Variants in AMZ1 observed in about 807,000 individuals in gnomAD.
The protein encoded by AMZ1 is archaemetzincin-1.
In AMZ1, 39 loss-of-function variants were observed where a neutral mutation model predicts 29.9. The ratio of observed to expected loss-of-function variants is 1.30; its 90% CI spans 1.01 to 1.70. The LOEUF (loss-of-function observed/expected upper bound fraction) is 1.70. AMZ1 is among the 40% of genes most tolerant of loss of function. The pLI is 0.00. For missense variants in AMZ1, 1,041 were observed against 680.6 expected (o/e 1.53, Z -5.89); for synonymous variants, 458 against 304.0 (o/e 1.51, Z -5.27).
At chr7:2,719,740 G>C (rs1278129104), downstream of AMZ1, among the ~76,000 whole-genome samples, 2 of 151,206 alleles carry the variant, frequency 1.3e-5, no homozygotes, top group African/African-American at 2.4e-5. Context: ...GAGTGCAATG[G>C]TGTGATCTTG....
chr7:2,690,168 C>G (rs1787300146), intron 1 of AMZ1, among the ~76,000 whole-genome samples: 1 of 152,148 alleles, frequency 6.6e-6, no homozygotes, highest in African/African-American at 2.4e-5. Flanking sequence ...ACACCATTCT[C>G]CAGTCTGCAC....
intron 4 of AMZ1, among the ~76,000 whole-genome samples, chr7:2,725,185 T>C (rs1306539987): frequency 6.6e-6 from 1 of 152,202 alleles, no homozygotes; most frequent in Non-Finnish European, 1.5e-5. Context: ...TTCAGTGGGA[T>C]GTGGATTAGC....
At chr7:2,737,375 G>A (rs1293283998) in intron 4 of AMZ1, among the ~76,000 whole-genome samples, 4 of 138,292 alleles carry the variant, frequency 2.9e-5, no homozygotes, top group African/African-American at 1.1e-4. Flanking sequence ...TGCAACCTCT[G>A]CCTCCTGGGT....
At chr7:2,696,513 TC>T (rs1337692672) in intron 1 of AMZ1, among the ~76,000 whole-genome samples, 1 of 150,646 alleles carries the variant, frequency 6.6e-6, no homozygotes, top group Non-Finnish European at 1.5e-5. Flanking sequence ...CGCCTGGGCC[TC>T]CCAAAGTGCT....
chr7:2,705,626 C>T (rs989310734), intron 3 of AMZ1, among the ~76,000 whole-genome samples: 1 of 152,190 alleles, frequency 6.6e-6, no homozygotes, highest in African/African-American at 2.4e-5. Context: ...TGTCTAAATT[C>T]CCTAGGGTAC....
upstream of AMZ1, chr7:2,762,857 G>C (rs1791630865): frequency 6.8e-7 from 1 of 1,470,588 alleles, no homozygotes; most frequent in Admixed American, 2.4e-5. Context: ...AAGCAGGAGA[G>C]GGCCAGCTCC....
At position 2,709,164 on chromosome 7, in the gene AMZ1, G is replaced by C; in HGVS notation, c.691G>C (p.Ala231Pro). ...TGATCTGGCCCTGGTAGAGGCAGCA[G>C]CAGACGGCCCCGAGGCCCCCCTGCA... ...APDLALVEAAADGPEAPLQDR... is the reference protein window; with the variant it reads ...APDLALVEAAPDGPEAPLQDR... Residue 231 changes from alanine (A) to proline (P), a missense_variant, in exon 5 of 7, where the codon GCA becomes CCA. Physicochemically the swap from Ala to Pro is conservative, Grantham distance 27. Transcript: ENST00000683327. 2 of 1,565,562 alleles carry C rather than the reference G, an allele frequency of 1.3e-6. No individual in the cohort carries two copies. Among genetic ancestry groups the C allele is most frequent in the Non-Finnish European group, 1.7e-6 (2 of 1,157,170 alleles).
chr7:2,748,707 A>G (rs1296600126), intron 4 of AMZ1, among the ~76,000 whole-genome samples: 2 of 152,254 alleles, frequency 1.3e-5, no homozygotes, highest in Non-Finnish European at 2.9e-5. Context: ...AGAAACTACC[A>G]TCAGCATGAA....
intron 6 of AMZ1, 118 bp downstream of exon 6, chr7:2,709,934 T>A: frequency 7.3e-7 from 1 of 1,373,190 alleles, no homozygotes; most frequent in Non-Finnish European, 1.0e-6. Context: ...AACTGCCGGG[T>A]TCCAGGCAGT....
At chr7:2,748,814 GA>G (rs1397199931) in intron 4 of AMZ1, among the ~76,000 whole-genome samples, 1 of 151,752 alleles carries the variant, frequency 6.6e-6, no homozygotes, top group Non-Finnish European at 1.5e-5. Flanking sequence ...AAATTTACAA[GA>G]AAAAAACAAA....
At chr7:2,725,748 G>T (rs1227809272) in intron 4 of AMZ1, among the ~76,000 whole-genome samples, 1 of 152,258 alleles carries the variant, frequency 6.6e-6, no homozygotes, top group Non-Finnish European at 1.5e-5. Context: ...TCAAAAGGCG[G>T]CTTCAGCTCC....
chr7:2,687,532 G>A (rs73675191), upstream of AMZ1, among the ~76,000 whole-genome samples: 36 of 152,336 alleles, frequency 2.4e-4, no homozygotes, highest in African/African-American at 8.4e-4. Context: ...TCTGTCTGGA[G>A]CCGTCATGCC....
chr7:2,693,043 G>A (rs1787496364), intron 1 of AMZ1, among the ~76,000 whole-genome samples: 1 of 152,188 alleles, frequency 6.6e-6, no homozygotes, highest in African/African-American at 2.4e-5. Flanking sequence ...ACCCTCTCAG[G>A]AATGGGAGTG....
At chr7:2,682,639 G>A (rs532425374) in intron 1 of AMZ1, among the ~76,000 whole-genome samples, 3 of 152,230 alleles carry the variant, frequency 2.0e-5, no homozygotes, top group South Asian at 2.1e-4. Context: ...GTCACCTACT[G>A]CACCCAGGAG....
Position 2,716,879 on chromosome 7 carries a change from T to G in AMZ1, c.*4001T>G, listed in dbSNP as rs1462462620. ...ATGGCTGTGGCTGTCGAGATGGGACTGGGAAGGGCTGGAGCCTCAGAAACG... is the reference window on the plus strand; with the variant it reads ...ATGGCTGTGGCTGTCGAGATGGGACGGGGAAGGGCTGGAGCCTCAGAAACG... On this transcript the variant is annotated 3_prime_UTR_variant, in exon 7 of 7. Transcript: ENST00000683327. Among the ~76,000 whole-genome samples, 3 of 152,124 alleles carry G rather than the reference T, an allele frequency of 2.0e-5. No individual in the cohort carries two copies. Among genetic ancestry groups the G allele is most frequent in the Non-Finnish European group, 4.4e-5 (3 of 68,042 alleles).
At chr7:2,706,550 T>A (rs1788365685) in intron 3 of AMZ1, among the ~76,000 whole-genome samples, 1 of 152,232 alleles carries the variant, frequency 6.6e-6, no homozygotes, top group Non-Finnish European at 1.5e-5. Context: ...GGGTGCTTCC[T>A]GGCTGCCTCC....
chr7:2,745,340 C>T lies in AMZ1; in HGVS notation n.551-19372C>T, dbSNP rs182839791. On this transcript the variant is annotated intron_variant and non_coding_transcript_variant, in intron 4 of 4. Coordinates refer to the AMZ1 transcript ENST00000489665. ...GATCTCTTGGCAGAAACTCTGCAAG[C>T]CAGAAGAGAGTGGGGGCCAATATTC... is the stretch of plus-strand genomic sequence containing the variant. Among the ~76,000 whole-genome samples the T allele has an allele frequency of 8.5e-5, 13 of 152,318 alleles. No homozygotes were observed. The East Asian group carries it at 1.9e-3, about 23-fold the overall frequency.
At chr7:2,704,010 TCC>T (rs1788207925) in intron 3 of AMZ1, among the ~76,000 whole-genome samples, 1 of 152,158 alleles carries the variant, frequency 6.6e-6, no homozygotes, top group Non-Finnish European at 1.5e-5. Flanking sequence ...TGCCTCAGCC[TCC>T]CGCGTAGCTG....
rs529487392 is a variant in AMZ1, at chr7:2,717,243, C to T, written c.*4365C>T. Among the ~76,000 whole-genome samples, 4 of 152,312 alleles carry T rather than the reference C, an allele frequency of 2.6e-5. No homozygotes were observed. The highest frequency in any genetic ancestry group is 2.0e-4 in the Admixed American group (3 of 15,296). On this transcript the variant is annotated 3_prime_UTR_variant, in exon 7 of 7. Transcript: ENST00000683327. ...ATTTGTTTTGTTTATAAAAGGAGGG[C>T]GAGGCCTGCACAGGAATATTTTTAT...
Sources: allele counts gnomAD v4.1 joint callset (sites outside exome capture counted in the v4.1 genomes callset), GRCh38; gene constraint gnomAD v4.1.1; transcripts MANE v1.5; gene names NCBI Gene and HGNC (gene_info 2026-07-23, HGNC 2026-07-21).